SGCD: variants seen among roughly 807,000 people sequenced by gnomAD.
The protein encoded by SGCD is sarcoglycan delta.
SGCD carries 18 observed loss-of-function variants against 36.6 expected under a neutral mutation model. That is an observed-to-expected ratio of 0.49 (90% CI 0.34 to 0.73). The LOEUF (loss-of-function observed/expected upper bound fraction) is 0.73, where lower values mean the gene tolerates loss of function less well. Among genes scored for constraint, SGCD ranks in the 30% least tolerant of loss-of-function variants. SGCD has a pLI of 0.01. For synonymous variants in SGCD, 133 were observed against 130.6 expected, an observed-to-expected ratio of 1.02 and a Z score of -0.12; for missense variants, 387 against 346.7, an observed-to-expected ratio of 1.12 and a Z score of -0.92.
intron 3 of SGCD, among the ~76,000 whole-genome samples, chr5:156,475,021 A>G (rs1450633206): frequency 1.3e-5 from 2 of 152,210 alleles, no homozygotes; most frequent in Non-Finnish European, 2.9e-5. Flanking sequence ...GGCATATAAT[A>G]AGCATTAAGT....
rs77319160 is a variant in SGCD at position 156,006,426 on chromosome 5, C to T, written c.-281-111452C>T. Among the ~76,000 whole-genome samples, 813 of 152,206 alleles carry T rather than the reference C, an allele frequency of 5.3e-3. 8 individuals are homozygous for T. The highest frequency in any genetic ancestry group is 0.018 in the African/African-American group (763 of 41,530). On this transcript the variant is annotated intron_variant, in intron 1 of 9. Coordinates refer to the SGCD transcript ENST00000517913. ...AACAGGGCGATAGCTATTGCATTCT[C>T]CCAAGCACTTGTAAGCTTGTTACAA...
intron 1 of SGCD, among the ~76,000 whole-genome samples, chr5:155,897,424 C>T (rs960928069): frequency 2.0e-5 from 3 of 152,154 alleles, no homozygotes; most frequent in Non-Finnish European, 4.4e-5. Context: ...CTGTACACTA[C>T]TTCAGACTTT....
chr5:156,260,755 C>A (rs144930486), intron 3 of SGCD, among the ~76,000 whole-genome samples: 135 of 152,204 alleles, frequency 8.9e-4, no homozygotes, highest in African/African-American at 3.0e-3. Context: ...ATATTGTTTT[C>A]TCTTTTCCTG....
chr5:156,394,976 G>A (rs141813340), intron 3 of SGCD, among the ~76,000 whole-genome samples: 1 of 152,316 alleles, frequency 6.6e-6, no homozygotes, highest in African/African-American at 2.4e-5. Context: ...CTTTATCCGT[G>A]TATTGAAAAA....
chr5:155,926,312 C>T (rs1373762443), intron 1 of SGCD, among the ~76,000 whole-genome samples: 1 of 152,122 alleles, frequency 6.6e-6, no homozygotes, highest in African/African-American at 2.4e-5. Flanking sequence ...ATTCCATTTA[C>T]CCTATGTTTG....
chr5:156,655,392 G>A (rs1237609937), intron 7 of SGCD, among the ~76,000 whole-genome samples: 4 of 152,144 alleles, frequency 2.6e-5, no homozygotes, highest in Non-Finnish European at 5.9e-5. Flanking sequence ...CTTCCTAGAA[G>A]ATGTCAGTTA....
intron 5 of SGCD, among the ~76,000 whole-genome samples, chr5:156,592,909 G>A (rs10515738): frequency 0.32 from 48,307 of 151,978 alleles, 8,581 homozygotes; most frequent in African/African-American, 0.49. Context: ...TGAGTAAGGA[G>A]AGTGCACTAA....
intron 1 of SGCD, among the ~76,000 whole-genome samples, chr5:156,091,306 C>T (rs931263927): frequency 4.6e-5 from 7 of 152,178 alleles, no homozygotes; most frequent in Non-Finnish European, 5.9e-5. Flanking sequence ...TGGCTTCAGC[C>T]GGTCCCTCTG....
At chr5:156,176,325 T>C (rs1162472888) in intron 3 of SGCD, among the ~76,000 whole-genome samples, 1 of 152,140 alleles carries the variant, frequency 6.6e-6, no homozygotes, top group African/African-American at 2.4e-5. Context: ...GTTATTGGCT[T>C]ATAGGCTTCG....
At chr5:156,509,718 C>T (rs1237619264) in intron 4 of SGCD, among the ~76,000 whole-genome samples, 1 of 152,138 alleles carries the variant, frequency 6.6e-6, no homozygotes, top group African/African-American at 2.4e-5. Flanking sequence ...CCTTTCATTC[C>T]TTCTTTATTG....
At chr5:156,545,906 G>A (rs1758553587) in intron 4 of SGCD, among the ~76,000 whole-genome samples, 1 of 152,156 alleles carries the variant, frequency 6.6e-6, no homozygotes, top group African/African-American at 2.4e-5. Context: ...AGCAAAATCT[G>A]GCTTTAGCTC....
At chr5:156,332,727 C>T (rs1768129072) in intron 2 of SGCD, among the ~76,000 whole-genome samples, 1 of 152,140 alleles carries the variant, frequency 6.6e-6, no homozygotes. Context: ...ATTAGAACCA[C>T]CTCATCGGAT....
chr5:156,299,015 A>C (rs1766980798), intron 3 of SGCD, among the ~76,000 whole-genome samples: 1 of 152,208 alleles, frequency 6.6e-6, no homozygotes, highest in South Asian at 2.1e-4. Context: ...ATCTTTGCCC[A>C]GACCAATGTC....
Position 156,766,698 on chromosome 5 carries a change from T to C in SGCD, c.*7308T>C, listed in dbSNP as rs1757594888. ...TGCTTTCATCTTCTAAGCAAAGGGA[T>C]CAGGGTTTGATCTGTAAGAGTTAAA... is the stretch of plus-strand genomic sequence containing the variant. On this transcript the variant is annotated 3_prime_UTR_variant, in exon 9 of 9. Coordinates refer to ENST00000337851, the MANE Select transcript of SGCD (RefSeq NM_000337.6). The C allele has an allele frequency of 6.6e-6, 1 of 151,278 alleles. No homozygotes were observed. Among genetic ancestry groups the C allele is most frequent in the African/African-American group, 2.4e-5 (1 of 41,074 alleles). 9.4% of individuals were successfully genotyped at this position (151,278 alleles called of 1,614,324 possible).
At chr5:156,616,598 T>C (rs1454293338) in intron 6 of SGCD, among the ~76,000 whole-genome samples, 1 of 152,208 alleles carries the variant, frequency 6.6e-6, no homozygotes, top group African/African-American at 2.4e-5. Flanking sequence ...CCTAACACAA[T>C]GGTACCAAGC....
intron 1 of SGCD, among the ~76,000 whole-genome samples, chr5:156,116,954 CTT>C (rs1761920415): frequency 6.6e-6 from 1 of 152,020 alleles, no homozygotes; most frequent in Non-Finnish European, 1.5e-5. Flanking sequence ...GCCTCAGACT[CTT>C]TGGGTTTACT....
At chr5:156,209,606 A>C (rs997897979) in intron 3 of SGCD, among the ~76,000 whole-genome samples, 31 of 152,196 alleles carry the variant, frequency 2.0e-4, no homozygotes, top group African/African-American at 7.5e-4. Flanking sequence ...ACCAGCCAAA[A>C]TAAACCCAGG....
At chr5:155,795,730 T>A in the SGCD span, among the ~76,000 whole-genome samples, 3 of 152,130 alleles carry the variant, frequency 2.0e-5, no homozygotes, top group African/African-American at 7.2e-5. Flanking sequence ...TTATAGATAA[T>A]TGCAAGTATG....
rs533962716 is a variant in SGCD, at chr5:156,361,519, G to A, written c.192+16842G>A. Among the ~76,000 whole-genome samples the A allele has an allele frequency of 4.5e-4, 69 of 152,300 alleles. No individual in the cohort carries two copies. The South Asian group carries it at 0.014, about 31-fold the overall frequency. ...AGAGATAACCAGAAAGTAGAGTATG[G>A]TAGGCACTCAGTGCTAGTTTTTATC... On this transcript the variant is annotated intron_variant, in intron 3 of 8. Coordinates refer to ENST00000337851, the MANE Select transcript of SGCD (RefSeq NM_000337.6).
Sources: allele counts gnomAD v4.1 joint callset (sites outside exome capture counted in the v4.1 genomes callset), GRCh38; gene constraint gnomAD v4.1.1; transcripts MANE v1.5; gene names NCBI Gene and HGNC (gene_info 2026-07-23, HGNC 2026-07-21).